Variants in ITGAE observed in about 807,000 individuals in gnomAD.
ITGAE encodes the protein integrin subunit alpha E.
ITGAE carries 99 observed loss-of-function variants against 136.5 expected under a neutral mutation model. That is an observed-to-expected ratio of 0.73 (90% CI 0.62 to 0.86). The LOEUF is 0.86. Ranked by LOEUF, ITGAE falls within the 40% of genes least tolerant of loss-of-function variation. The probability of loss-of-function intolerance (pLI) is 0.00; values close to 1 mark genes in which losing one functional copy is unlikely to be tolerated. For missense variants in ITGAE, 1,447 were observed against 1,515.3 expected (o/e 0.95, Z 0.75); for synonymous variants, 613 against 591.8 (o/e 1.04, Z -0.52).
chr17:3,724,704 T>C, intron 26 of ITGAE: 3 of 1,614,192 alleles, frequency 1.9e-6, no homozygotes, highest in Non-Finnish European at 2.5e-6. Context: ...CCCTGAGGAT[T>C]CTGAGTTTCG....
chr17:3,767,636 G>GT (rs977427249), intron 2 of ITGAE, among the ~76,000 whole-genome samples: 5 of 152,050 alleles, frequency 3.3e-5, no homozygotes, highest in Admixed American at 3.3e-4. Flanking sequence ...GGGTTTGTTT[G>GT]TTTTTTAGGT....
intron 28 of ITGAE, chr17:3,722,604 G>A (rs1268252932): frequency 6.6e-6 from 1 of 152,554 alleles, no homozygotes; most frequent in Non-Finnish European, 1.5e-5. Flanking sequence ...CTTGTGGCCA[G>A]AATAATGCTG....
At chr17:3,746,403 C>T (rs1047464249) in intron 17 of ITGAE, among the ~76,000 whole-genome samples, 2 of 151,944 alleles carry the variant, frequency 1.3e-5, no homozygotes, top group African/African-American at 4.8e-5. Flanking sequence ...CACAGCCCAT[C>T]GAGCTCTGTG....
intron 1 of ITGAE, among the ~76,000 whole-genome samples, chr17:3,796,471 T>A (rs190727490): frequency 6.6e-6 from 1 of 152,260 alleles, no homozygotes; most frequent in East Asian, 1.9e-4. Context: ...GTCTCCCCTC[T>A]GGGACATGGG....
At chr17:3,787,745 T>C (rs1021152291) in intron 1 of ITGAE, among the ~76,000 whole-genome samples, 1 of 151,746 alleles carries the variant, frequency 6.6e-6, no homozygotes, top group African/African-American at 2.4e-5. Flanking sequence ...TGGAGTGCCA[T>C]GGCACAATCT....
chr17:3,717,370 G>C lies in ITGAE; in HGVS notation c.3334-572C>G, dbSNP rs979887626. ...GTATTACCTAAGGGACATAATAAAT[G>C]CAAATTATATCCATGTGTACTACTT... On this transcript the variant is annotated intron_variant, in intron 29 of 30. Transcript: ENST00000263087. The C allele has an allele frequency of 1.2e-4, 19 of 152,298 alleles. 1 individual carries two copies. The allele number at this position is 152,298 out of a possible 1,614,324, so 9.4% of individuals were successfully genotyped here. A position where few individuals can be genotyped will look rare whatever the true frequency, so the allele number is the denominator to read the frequency against.
intron 12 of ITGAE, among the ~76,000 whole-genome samples, 158 bp from the exon 13 acceptor site, chr17:3,754,083 C>T (rs1019281234): frequency 1.3e-5 from 2 of 152,088 alleles, no homozygotes; most frequent in Non-Finnish European, 2.9e-5. Flanking sequence ...TCGGCATCAG[C>T]GAGCACTCTC....
intron 11 of ITGAE, among the ~76,000 whole-genome samples, chr17:3,755,490 TG>T (rs2051998171): frequency 1.3e-5 from 2 of 152,202 alleles, no homozygotes; most frequent in Admixed American, 1.3e-4. Flanking sequence ...GCAGCTTGGT[TG>T]ATAAGCTGAC....
At chr17:3,748,151 A>G (rs757544097) in intron 16 of ITGAE, 99 bp from the exon 17 acceptor site, 46 of 1,214,678 alleles carry the variant, frequency 3.8e-5, no homozygotes, top group Non-Finnish European at 4.9e-5. Flanking sequence ...TCTATCAAAC[A>G]TGCCCACATC....
Position 3,724,996 on chromosome 17 carries a change from A to C in ITGAE, c.3085-1252T>G. On this transcript the variant is annotated intron_variant, in intron 26 of 30. Transcript: ENST00000263087. ...ACGGAAACCTCTCTCCTCCATTCCCACCGCTTTAAAAAGGGCCAAAAGCTG... is the reference window on the plus strand; with the variant it reads ...ACGGAAACCTCTCTCCTCCATTCCCCCCGCTTTAAAAAGGGCCAAAAGCTG... The C allele has an allele frequency of 1.9e-6, 3 of 1,614,100 alleles. No homozygotes were observed. The South Asian group carries it at 3.3e-5, about 18-fold the overall frequency.
At chr17:3,733,888 C>G (rs1476930209) in intron 21 of ITGAE, among the ~76,000 whole-genome samples, 1 of 152,206 alleles carries the variant, frequency 6.6e-6, no homozygotes, top group South Asian at 2.1e-4. Flanking sequence ...GTGAATCAGA[C>G]CCAGGGCCCG....
chr17:3,736,261 A>G (rs1484173924), intron 20 of ITGAE, among the ~76,000 whole-genome samples: 1 of 152,206 alleles, frequency 6.6e-6, no homozygotes, highest in Non-Finnish European at 1.5e-5. Flanking sequence ...GTGAGCCATG[A>G]GCACACTATT....
At chr17:3,782,386 A>G (rs1191196924) in intron 1 of ITGAE, among the ~76,000 whole-genome samples, 2 of 115,970 alleles carry the variant, frequency 1.7e-5, no homozygotes, top group African/African-American at 6.6e-5. Flanking sequence ...TTTTTTTTTG[A>G]GATGGAGTTT....
intron 1 of ITGAE, 84 bp from the exon 2 acceptor site, chr17:3,777,744 TTTA>T: frequency 6.8e-7 from 1 of 1,472,708 alleles, no homozygotes; most frequent in South Asian, 1.3e-5. Flanking sequence ...TGAACCCCGT[TTTA>T]CAGCTGAGAA....
Position 3,763,936 on chromosome 17 carries a change from G to C in ITGAE, c.180C>G (p.Thr60=), listed in dbSNP as rs2052233688. Residue 60 remains threonine, a synonymous_variant, in exon 3 of 31, where the codon ACC becomes ACG. Coordinates refer to ENST00000263087, the MANE Select transcript of ITGAE (RefSeq NM_002208.5). ...QTWLLVTSPR[T]KRTPGPLHRC... Reference sequence around the variant, plus strand: ...GATGGAGGGGCCCTGGTGTCCTCTTGGTTCTGGGGCTGGTGACCAGGAGCC... The same window carrying C: ...GATGGAGGGGCCCTGGTGTCCTCTTCGTTCTGGGGCTGGTGACCAGGAGCC... The C allele has an allele frequency of 6.2e-7, 1 of 1,613,506 alleles. No individual in the cohort carries two copies. The highest frequency in any genetic ancestry group is 8.5e-7 in the Non-Finnish European group (1 of 1,179,676).
intron 26 of ITGAE, chr17:3,725,443 C>A: frequency 6.2e-7 from 1 of 1,614,176 alleles, no homozygotes; most frequent in Non-Finnish European, 8.5e-7. Flanking sequence ...CAAACAATTG[C>A]TGATCACACA....
At chr17:3,723,116 A>G (rs2051092444) in intron 28 of ITGAE, among the ~76,000 whole-genome samples, 172 bp downstream of exon 28, 2 of 152,206 alleles carry the variant, frequency 1.3e-5, no homozygotes, top group African/African-American at 2.4e-5. Context: ...ACTGGAGTAT[A>G]TCTCCCTCCT....
At chr17:3,730,366 C>T (rs9912967) in intron 23 of ITGAE, 40,772 of 151,408 alleles carry the variant, frequency 0.27, 7,954 homozygotes, top group African/African-American at 0.56. Context: ...AGGCAGAGAA[C>T]TGCTTGAACC....
In ITGAE at chr17:3,743,563, G is replaced by C; in HGVS notation, c.2374C>G (p.Gln792Glu). The C allele has an allele frequency of 6.2e-7, 1 of 1,613,400 alleles. No individual in the cohort carries two copies. The highest frequency in any genetic ancestry group is 1.3e-5 in the African/African-American group (1 of 74,980). The change falls in exon 19 of 31, where the codon CAG becomes GAG. Residue 792 changes from glutamine to glutamate, a missense_variant. Around this residue, in one of 3 missense-constraint regions of ITGAE, gnomAD observed 1,031 missense variants for 1,011.4 expected, o/e 1.02. Coordinates refer to ENST00000263087, the MANE Select transcript of ITGAE (RefSeq NM_002208.5). ...TGGTCCGTCTGTCCCTCAGGGGTCTGGAGCTGGTAGCTGACTTTGACACTG... is the reference window on the plus strand; with the variant it reads ...TGGTCCGTCTGTCCCTCAGGGGTCTCGAGCTGGTAGCTGACTTTGACACTG... ...NASVKVSYQL[Q>E]TPEGQTDHPQ... is the part of the protein sequence containing the mutation.
Sources: gnomAD v4.1 joint callset for allele counts (sites outside exome capture counted in the v4.1 genomes callset) on GRCh38, gnomAD v4.1.1 for gene constraint, gnomAD v4.1.1 regional missense constraint, MANE v1.5 for transcripts, NCBI Gene and HGNC (gene_info 2026-07-23, HGNC 2026-07-21) for gene names.